The following CCDC102B variants were observed in gnomAD, a reference collection of about 807,000 sequenced individuals.
The protein encoded by CCDC102B is coiled-coil domain containing 102B.
A neutral mutation model predicts 57.4 loss-of-function variants in CCDC102B; 75 were observed. That is an observed-to-expected ratio of 1.31 (90% CI 1.08 to 1.58). The LOEUF is 1.58. CCDC102B is among the 40% of genes most tolerant of loss of function. The probability of loss-of-function intolerance (pLI) is 0.00; values close to 1 mark genes in which losing one functional copy is unlikely to be tolerated. For synonymous variants in CCDC102B, 206 were observed against 201.9 expected, an observed-to-expected ratio of 1.02 and a Z score of -0.17; for missense variants, 636 against 582.6, an observed-to-expected ratio of 1.09 and a Z score of -0.94.
At chr18:68,874,554 A>G in intron 4 of CCDC102B, 115 bp from the exon 5 acceptor site, 1 of 619,312 alleles carries the variant, frequency 1.6e-6, no homozygotes, top group South Asian at 2.2e-5. Flanking sequence ...GCCTGCCAGA[A>G]TCCACATAGG....
At chr18:68,862,625 A>G (rs897351364) in intron 4 of CCDC102B, among the ~76,000 whole-genome samples, 13 of 152,118 alleles carry the variant, frequency 8.5e-5, no homozygotes, top group Admixed American at 7.9e-4. Context: ...GTCAAAGAGT[A>G]ATAATGTCTT....
intron 1 of CCDC102B, among the ~76,000 whole-genome samples, chr18:68,806,373 T>G (rs2036034454): frequency 6.6e-6 from 1 of 152,294 alleles, no homozygotes; most frequent in African/African-American, 2.4e-5. Context: ...TGTGGCCATG[T>G]GGAAGAGAAT....
In CCDC102B at chr18:68,857,256, TA is replaced by T. The variant is rs2038478304; in HGVS notation, c.936+10838del. 4.9e-4 allele frequency among the ~76,000 whole-genome samples: 27 copies of T among 55,262 alleles called. 8 individuals are homozygous for T. The highest frequency in any genetic ancestry group is 2.2e-3 in the Admixed American group (6 of 2,724). The allele number at this position is 55,262 out of a possible 152,430, so 36.3% of individuals were successfully genotyped here. On this transcript the variant is annotated intron_variant, in intron 4 of 7. Coordinates refer to ENST00000360242, the MANE Select transcript of CCDC102B (RefSeq NM_024781.3). ...TATATATAAATATATATTTATTATT[TA>T]AATATATAAATATATATATAATATA...
chr18:68,763,784 GCAGT>G (rs2034333985), intron 2 of CCDC102B, among the ~76,000 whole-genome samples: 1 of 148,048 alleles, frequency 6.8e-6, no homozygotes, highest in African/African-American at 2.5e-5. Flanking sequence ...CCTCAATACA[GCAGT>G]AGAACCTAGC....
intron 7 of CCDC102B, among the ~76,000 whole-genome samples, chr18:69,038,675 C>A (rs1362952793): frequency 6.6e-6 from 1 of 151,908 alleles, no homozygotes; most frequent in African/African-American, 2.4e-5. Context: ...TATTTCATAT[C>A]CATCTCTATA....
At chr18:69,030,432 G>A (rs1423996972) in intron 7 of CCDC102B, among the ~76,000 whole-genome samples, 2 of 152,150 alleles carry the variant, frequency 1.3e-5, no homozygotes, top group Non-Finnish European at 2.9e-5. Context: ...ACAAAATAAT[G>A]AAAATTATAG....
chr18:68,992,816 G>A (rs571672905), intron 6 of CCDC102B: 2 of 163,084 alleles, frequency 1.2e-5, no homozygotes, highest in East Asian at 1.8e-4. Flanking sequence ...GCCACTCGTC[G>A]TGGTCATGCA....
chr18:69,003,327 G>A (rs184322656), intron 6 of CCDC102B, among the ~76,000 whole-genome samples: 1 of 152,144 alleles, frequency 6.6e-6, no homozygotes, highest in East Asian at 1.9e-4. Context: ...TATGTGCAAT[G>A]TTTTTCTCTT....
chr18:68,999,978 A>G (rs2051157367), intron 6 of CCDC102B, among the ~76,000 whole-genome samples: 1 of 152,182 alleles, frequency 6.6e-6, no homozygotes, highest in Non-Finnish European at 1.5e-5. Flanking sequence ...CTATTGATAT[A>G]GTACATGCTC....
chr18:68,773,644 T>C (rs2034715058), intron 2 of CCDC102B, among the ~76,000 whole-genome samples: 1 of 152,008 alleles, frequency 6.6e-6, no homozygotes, highest in African/African-American at 2.4e-5. Context: ...ATAAAAGCTA[T>C]ATTTTTCAAG....
At chr18:69,056,851 C>G (rs910326680), downstream of CCDC102B, among the ~76,000 whole-genome samples, 2 of 151,982 alleles carry the variant, frequency 1.3e-5, no homozygotes, top group Non-Finnish European at 2.9e-5. Flanking sequence ...GCTACCATTA[C>G]CCAGAAATGT....
intron 2 of CCDC102B, among the ~76,000 whole-genome samples, chr18:68,760,109 C>T (rs368077325): frequency 9.9e-5 from 15 of 152,078 alleles, no homozygotes; most frequent in Admixed American, 2.6e-4. Context: ...TAATAAACCT[C>T]CTGCACACTA....
intron 1 of CCDC102B, among the ~76,000 whole-genome samples, chr18:68,801,556 C>T (rs1205537524): frequency 6.6e-6 from 1 of 151,434 alleles, no homozygotes; most frequent in African/African-American, 2.4e-5. Flanking sequence ...AAAAAGGTGT[C>T]CTTAATATTG....
chr18:68,873,581 T>C (rs2039318158), intron 4 of CCDC102B, among the ~76,000 whole-genome samples: 1 of 152,050 alleles, frequency 6.6e-6, no homozygotes, highest in Non-Finnish European at 1.5e-5. Context: ...CCCTTTTCTG[T>C]AGAGGAGGGA....
intron 2 of CCDC102B, among the ~76,000 whole-genome samples, chr18:68,763,969 A>G (rs1303674065): frequency 1.3e-5 from 2 of 152,072 alleles, no homozygotes; most frequent in Non-Finnish European, 2.9e-5. Flanking sequence ...GTTGCTTTCT[A>G]TTCTCATAGC....
At chr18:68,857,984 T>C (rs1009423277) in intron 4 of CCDC102B, among the ~76,000 whole-genome samples, 3 of 152,206 alleles carry the variant, frequency 2.0e-5, no homozygotes, top group African/African-American at 7.2e-5. Context: ...CTAATCCACT[T>C]CAGGAAATCT....
intron 5 of CCDC102B, among the ~76,000 whole-genome samples, chr18:68,877,562 A>G (rs992967524): frequency 6.6e-6 from 1 of 152,210 alleles, no homozygotes; most frequent in Non-Finnish European, 1.5e-5. Flanking sequence ...TCATGTCAAC[A>G]TATCAATTGT....
rs151137083 is a variant in CCDC102B at position 68,978,013 on chromosome 18, C to T, written c.1264-32921C>T. Among the ~76,000 whole-genome samples the T allele has an allele frequency of 4.3e-3, 656 of 152,118 alleles. 7 individuals are homozygous for T. Among genetic ancestry groups the T allele is most frequent in the African/African-American group, 0.015 (630 of 41,502 alleles). On this transcript the variant is annotated intron_variant, in intron 6 of 7. Transcript: ENST00000360242. ...CCTGTGACGTATTTGAAGTAGTCCA[C>T]TGCCAGAGCATAATGTGAAGGTAAC...
rs561601394 is a variant in CCDC102B, at chr18:68,936,919, C to T, written c.1263+39491C>T. 3.3e-5 allele frequency among the ~76,000 whole-genome samples: 5 copies of T among 151,806 alleles called. No individual in the cohort carries two copies. The South Asian group carries it at 6.2e-4, about 19-fold the overall frequency. On this transcript the variant is annotated intron_variant, in intron 6 of 7. Coordinates refer to ENST00000360242, the MANE Select transcript of CCDC102B (RefSeq NM_024781.3). ...TACGTAAGTCAATTACTATTATTGA[C>T]AGTTGTGTTCCATAAAGACCCTACA...
Sources: gnomAD v4.1 joint callset for allele counts (sites outside exome capture counted in the v4.1 genomes callset) on GRCh38, gnomAD v4.1.1 for gene constraint, MANE v1.5 for transcripts, NCBI Gene and HGNC (gene_info 2026-07-23, HGNC 2026-07-21) for gene names.